Variants in BEND7 observed in about 807,000 individuals in gnomAD.
The protein encoded by BEND7 is BEN domain-containing protein 7.
BEND7 carries 28 observed loss-of-function variants against 50.9 expected under a neutral mutation model. The ratio of observed to expected loss-of-function variants is 0.55; its 90% CI spans 0.41 to 0.75. The LOEUF is 0.75. Ranked by LOEUF, BEND7 falls within the 30% of genes least tolerant of loss-of-function variation. The pLI is 0.00. For synonymous variants in BEND7, 170 were observed against 183.9 expected (o/e 0.92, Z 0.61); for missense variants, 477 against 491.3 (o/e 0.97, Z 0.28).
chr10:13,480,059 G>GC (rs1307818867), intron 6 of BEND7, among the ~76,000 whole-genome samples: 1 of 152,204 alleles, frequency 6.6e-6, no homozygotes, highest in Non-Finnish European at 1.5e-5. Context: ...CCAGTTTTAA[G>GC]CAAGGCCTGA....
chr10:13,493,493 A>G (rs559472955), intron 4 of BEND7, among the ~76,000 whole-genome samples: 1 of 152,280 alleles, frequency 6.6e-6, no homozygotes, highest in South Asian at 2.1e-4. Context: ...CCACACATCA[A>G]CCACCTCCAG....
At chr10:13,498,369 G>A (rs897699199) in intron 3 of BEND7, among the ~76,000 whole-genome samples, 4 of 152,068 alleles carry the variant, frequency 2.6e-5, no homozygotes, top group South Asian at 4.1e-4. Flanking sequence ...GAGCCACCAC[G>A]CCTAGCCATA....
intron 5 of BEND7, among the ~76,000 whole-genome samples, chr10:13,483,328 C>A (rs769909958): frequency 6.6e-6 from 1 of 152,140 alleles, no homozygotes; most frequent in Non-Finnish European, 1.5e-5. Context: ...CTTCTTCATG[C>A]GCTCATACTG....
At chr10:13,500,843 C>T (rs1485995453) in intron 2 of BEND7, 23 of 985,186 alleles carry the variant, frequency 2.3e-5, no homozygotes, top group Middle Eastern at 5.2e-4. Flanking sequence ...ACTGGAAGGG[C>T]GGAAGTGCAA....
chr10:13,448,456 G>A (rs1402017029), intron 7 of BEND7, among the ~76,000 whole-genome samples: 5 of 152,214 alleles, frequency 3.3e-5, no homozygotes, highest in Non-Finnish European at 1.5e-5. Flanking sequence ...GTAACACTGA[G>A]TCAGAAGCAG....
chr10:13,491,311 T>TAAA (rs757106538), intron 5 of BEND7, among the ~76,000 whole-genome samples: 3 of 97,402 alleles, frequency 3.1e-5, no homozygotes, highest in African/African-American at 8.0e-5. Flanking sequence ...AGACTCTGTC[T>TAAA]AAAAAAAAAA....
At chr10:13,447,238 G>A (rs1259773259) in intron 8 of BEND7, 28 bp downstream of exon 8, 12 of 1,611,294 alleles carry the variant, frequency 7.4e-6, no homozygotes, top group African/African-American at 1.3e-5. Flanking sequence ...TCCAGGAGGT[G>A]ATGAAAATGT....
rs1052671540 is a variant in BEND7, at chr10:13,441,173, C to T, written c.*570G>A. 6.1e-6 allele frequency: 6 copies of T among 978,352 alleles called. No individual in the cohort carries two copies. The highest frequency in any genetic ancestry group is 7.3e-6 in the Non-Finnish European group (6 of 823,522). 60.6% of individuals were successfully genotyped at this position (978,352 alleles called of 1,614,324 possible). A position where few individuals can be genotyped will look rare whatever the true frequency, so the allele number is the denominator to read the frequency against. ...GATACCACAACACAATGTTATACAC[C>T]ATTTTCACAACCAGGCTTGCATTGA... On this transcript the variant is annotated 3_prime_UTR_variant, in exon 9 of 9. Transcript: ENST00000466271.
At chr10:13,500,726 G>A (rs1307507609) in intron 2 of BEND7, 14 of 985,482 alleles carry the variant, frequency 1.4e-5, no homozygotes, top group Non-Finnish European at 1.7e-5. Flanking sequence ...GAGTGTGGCA[G>A]CATGGCAAGC....
At chr10:13,522,493 T>C (rs1396929424) in intron 2 of BEND7, among the ~76,000 whole-genome samples, 2 of 152,098 alleles carry the variant, frequency 1.3e-5, no homozygotes, top group Non-Finnish European at 2.9e-5. Flanking sequence ...ACCCCACAGG[T>C]ATATGGTAAA....
At chr10:13,478,612 G>C (rs2131671904) in intron 6 of BEND7, among the ~76,000 whole-genome samples, 1 of 152,216 alleles carries the variant, frequency 6.6e-6, no homozygotes, top group African/African-American at 2.4e-5. Context: ...AATCTTGGAA[G>C]GGTGAGATTA....
intron 6 of BEND7, among the ~76,000 whole-genome samples, chr10:13,473,095 G>A (rs906144393): frequency 4.7e-4 from 72 of 151,662 alleles, no homozygotes; most frequent in African/African-American, 4.6e-4. Context: ...ATCCATCATC[G>A]TTGTTAGATT....
chr10:13,499,721 A>AAAT, intron 3 of BEND7, 57 bp downstream of exon 3: 1 of 1,431,934 alleles, frequency 7.0e-7, no homozygotes, highest in Admixed American at 2.5e-5. Flanking sequence ...GAATATTTAG[A>AAAT]AATAGAACAG....
intron 2 of BEND7, among the ~76,000 whole-genome samples, chr10:13,517,378 G>T (rs1403329874): frequency 6.6e-6 from 1 of 152,110 alleles, no homozygotes; most frequent in Non-Finnish European, 1.5e-5. Flanking sequence ...GAGGCAAGAG[G>T]GGAGTGTCAG....
intron 6 of BEND7, among the ~76,000 whole-genome samples, chr10:13,476,690 G>C (rs1165359695): frequency 6.6e-6 from 1 of 152,086 alleles, no homozygotes; most frequent in Admixed American, 6.6e-5. Context: ...ACTAGATGTG[G>C]ACCAATTCTA....
chr10:13,449,130 G>A (rs1007329933), intron 7 of BEND7, among the ~76,000 whole-genome samples: 1 of 152,016 alleles, frequency 6.6e-6, no homozygotes, highest in African/African-American at 2.4e-5. Flanking sequence ...CTGGATGAAA[G>A]GCTTTAGGTA....
At chr10:13,470,693 G>A (rs1479684783) in intron 6 of BEND7, among the ~76,000 whole-genome samples, 1 of 152,158 alleles carries the variant, frequency 6.6e-6, no homozygotes, top group Non-Finnish European at 1.5e-5. Context: ...GTGGTGAAGC[G>A]TAGACTCACT....
intron 3 of BEND7, 30 bp from the exon 4 acceptor site, chr10:13,496,918 C>A: frequency 8.9e-7 from 1 of 1,123,926 alleles, no homozygotes; most frequent in Non-Finnish European, 1.1e-6. Context: ...ATGACATACT[C>A]CAAACAAACC....
At chr10:13,521,032 TG>T (rs1474521840) in intron 2 of BEND7, among the ~76,000 whole-genome samples, 4 of 152,214 alleles carry the variant, frequency 2.6e-5, no homozygotes, top group Non-Finnish European at 5.9e-5. Context: ...AGGTGCTGTA[TG>T]AAGCCTTGGG....
Sources: gnomAD v4.1 joint callset for allele counts (sites outside exome capture counted in the v4.1 genomes callset) on GRCh38, gnomAD v4.1.1 for gene constraint, MANE v1.5 for transcripts, NCBI Gene and HGNC (gene_info 2026-07-23, HGNC 2026-07-21) for gene names.